CDH23: variants seen among roughly 807,000 people sequenced by gnomAD.
CDH23 encodes cadherin related 23, also known as cadherin-23.
In CDH23, 189 loss-of-function variants were observed where a neutral mutation model predicts 317.1. The observed-to-expected ratio is 0.60, with a 90% CI of 0.53 to 0.67. The LOEUF is 0.67. Among genes scored for constraint, CDH23 ranks in the 30% least tolerant of loss-of-function variants. CDH23 has a pLI of 0.00. For missense variants in CDH23, 4,401 were observed against 4,592.4 expected, an observed-to-expected ratio of 0.96 and a Z score of 1.20; for synonymous variants, 1,839 against 1,876.8, an observed-to-expected ratio of 0.98 and a Z score of 0.52.
rs190294463 is a variant in CDH23 at position 71,677,788 on chromosome 10, A to T, written c.1752+95A>T. On this transcript the variant is annotated intron_variant, in intron 16 of 69. Coordinates refer to ENST00000224721, the MANE Select transcript of CDH23 (RefSeq NM_022124.6). ...TCTTTTTTGTTTTTGTTTTTATGAGACAGGTCTCACTCTTTCACCCAGGCT... is the reference window on the plus strand; with the variant it reads ...TCTTTTTTGTTTTTGTTTTTATGAGTCAGGTCTCACTCTTTCACCCAGGCT... 2.0e-4 allele frequency: 206 copies of T among 1,035,454 alleles called. 2 individuals are homozygous for T. In the African/African-American group the frequency reaches 3.2e-3, roughly 16 times the overall value. The allele number at this position is 1,035,454 out of a possible 1,614,324, so 64.1% of individuals were successfully genotyped here. A position where few individuals can be genotyped will look rare whatever the true frequency, so the allele number is the denominator to read the frequency against.
chr10:71,422,751 A>G (rs1439250061), intron 1 of CDH23, among the ~76,000 whole-genome samples: 2 of 152,144 alleles, frequency 1.3e-5, no homozygotes, highest in South Asian at 2.1e-4. Context: ...TAGCTGAAGG[A>G]CCCACTGTAA....
At chr10:71,509,963 C>T in intron 3 of CDH23, 119 bp from the exon 4 acceptor site, 1 of 1,152,610 alleles carries the variant, frequency 8.7e-7, no homozygotes, top group Non-Finnish European at 1.3e-6. Flanking sequence ...GATCTGTGGC[C>T]TGCTGGAGGA....
chr10:71,482,333 C>G (rs1198045531), intron 3 of CDH23, among the ~76,000 whole-genome samples: 1 of 152,190 alleles, frequency 6.6e-6, no homozygotes, highest in Non-Finnish European at 1.5e-5. Context: ...AGTTCCCTGT[C>G]ATAAAGGACC....
Position 71,568,379 on chromosome 10 carries a change from G to A in CDH23, c.624+1443G>A, listed in dbSNP as rs114883178. 7.6e-3 allele frequency among the ~76,000 whole-genome samples: 1,164 copies of A among 152,314 alleles called. 19 individuals carry two copies. Among genetic ancestry groups the A allele is most frequent in the African/African-American group, 0.026 (1,072 of 41,560 alleles). On this transcript the variant is annotated intron_variant, in intron 7 of 69. Coordinates refer to ENST00000224721, the MANE Select transcript of CDH23 (RefSeq NM_022124.6). Reference sequence around the variant, plus strand: ...TGCACACACCAGGGCCCAGAAACACGCAGATGCTTGCCCGCTGTGGGATAA... The same window carrying A: ...TGCACACACCAGGGCCCAGAAACACACAGATGCTTGCCCGCTGTGGGATAA...
chr10:71,648,046 C>G (rs1862978098), intron 14 of CDH23: 1 of 152,234 alleles, frequency 6.6e-6, no homozygotes, highest in Admixed American at 6.5e-5. Context: ...TATGAAACTG[C>G]ACTGAGCCCC....
Position 71,741,918 on chromosome 10 carries a change from G to C in CDH23, c.4842G>C (p.Leu1614=), listed in dbSNP as rs368377560. The stretch of plus-strand genomic sequence containing the variant: ...TGGAGGACGAGGGCACCCCAACCCT[G>C]TCGGTGAGCGATGGGGGTGGCCACA... ...ATVEDEGTPT[L]SATTHVYVTI... is the part of the protein sequence containing the mutation. Residue 1614 remains leucine, a synonymous_variant, in exon 38 of 70, where the codon CTG becomes CTC. Coordinates refer to ENST00000224721, the MANE Select transcript of CDH23 (RefSeq NM_022124.6). 3.7e-4 allele frequency: 590 copies of C among 1,589,392 alleles called. 6 individuals are homozygous for C. In the African/African-American group the frequency reaches 7.2e-3, roughly 19 times the overall value.
intron 3 of CDH23, among the ~76,000 whole-genome samples, chr10:71,476,142 C>T (rs865922768): frequency 5.3e-5 from 8 of 152,112 alleles, no homozygotes; most frequent in South Asian, 2.1e-4. Context: ...TTAAATAGGG[C>T]ATCAACAATG....
chr10:71,702,412 A>C (rs1440470552), intron 23 of CDH23, 137 bp from the exon 24 acceptor site: 2 of 1,228,234 alleles, frequency 1.6e-6, no homozygotes, highest in Admixed American at 3.7e-5. Context: ...TGTGAGGCCT[A>C]GGCTGCTTCC....
At chr10:71,627,841 G>A (rs772485766) in intron 11 of CDH23, among the ~76,000 whole-genome samples, 1 of 152,218 alleles carries the variant, frequency 6.6e-6, no homozygotes, top group Non-Finnish European at 1.5e-5. Context: ...CTCCCTCAAA[G>A]CAGTGGCGGG....
At chr10:71,429,624 A>C (rs1849274621) in intron 1 of CDH23, among the ~76,000 whole-genome samples, 1 of 151,996 alleles carries the variant, frequency 6.6e-6, no homozygotes, top group African/African-American at 2.4e-5. Flanking sequence ...GACAGGGGGG[A>C]AAGTCGTATT....
intron 30 of CDH23, among the ~76,000 whole-genome samples, chr10:71,728,865 G>C (rs532310255): frequency 1.3e-5 from 2 of 152,084 alleles, no homozygotes; most frequent in East Asian, 1.9e-4. Context: ...CACCACCCCC[G>C]GCTAATTTTT....
intron 39 of CDH23, 23 bp from the exon 40 acceptor site, chr10:71,778,166 T>C (rs1417348989): frequency 1.9e-6 from 3 of 1,613,620 alleles, no homozygotes; most frequent in Non-Finnish European, 2.5e-6. Flanking sequence ...GATCCATCCT[T>C]GTCCCTTCCC....
At chr10:71,466,497 C>G (rs1367667038) in intron 3 of CDH23, among the ~76,000 whole-genome samples, 1 of 151,790 alleles carries the variant, frequency 6.6e-6, no homozygotes, top group African/African-American at 2.4e-5. Flanking sequence ...CACGGATATG[C>G]GTGTGTCCCT....
chr10:71,564,698 A>G (rs927443299), intron 6 of CDH23, among the ~76,000 whole-genome samples: 4 of 152,236 alleles, frequency 2.6e-5, no homozygotes, highest in African/African-American at 9.6e-5. Flanking sequence ...CGCCAGCTTC[A>G]TACAGAGTGG....
chr10:71,665,426 G>A (rs1665627), intron 14 of CDH23, among the ~76,000 whole-genome samples: 60,463 of 152,084 alleles, frequency 0.4, 12,795 homozygotes, highest in South Asian at 0.57. Context: ...TTTTACAAAT[G>A]CAAGTGCTTT....
intron 9 of CDH23, among the ~76,000 whole-genome samples, chr10:71,596,560 C>T (rs1859861228): frequency 1.3e-5 from 2 of 152,168 alleles, no homozygotes. Context: ...CTGGCTGGCC[C>T]CTGATCCAGC....
chr10:71,639,809 G>T (rs992937421), intron 11 of CDH23, among the ~76,000 whole-genome samples: 1 of 152,160 alleles, frequency 6.6e-6, no homozygotes, highest in African/African-American at 2.4e-5. Context: ...ATCAGTAGGG[G>T]TTTTGCACCA....
At chr10:71,697,542 G>A (rs1272239552) in intron 22 of CDH23, among the ~76,000 whole-genome samples, 4 of 152,070 alleles carry the variant, frequency 2.6e-5, no homozygotes, top group African/African-American at 9.7e-5. Context: ...GTGTGGTGGT[G>A]CACACCTGTG....
chr10:71,618,689 C>T (rs370189029), intron 11 of CDH23, among the ~76,000 whole-genome samples: 104 of 152,268 alleles, frequency 6.8e-4, no homozygotes, highest in African/African-American at 2.4e-3. Context: ...TAGCCAGTGA[C>T]CCACCCTGTT....
Sources: gnomAD v4.1 joint callset for allele counts (sites outside exome capture counted in the v4.1 genomes callset) on GRCh38, gnomAD v4.1.1 for gene constraint, MANE v1.5 for transcripts, NCBI Gene and HGNC (gene_info 2026-07-23, HGNC 2026-07-21) for gene names.